LAD1: variants seen among roughly 807,000 people sequenced by gnomAD.
The protein encoded by LAD1 is ladinin 1.
A neutral mutation model predicts 54.2 loss-of-function variants in LAD1; 53 were observed. The observed-to-expected ratio is 0.98, with a 90% confidence interval of 0.78 to 1.23. The LOEUF is 1.23. Among genes scored for constraint, LAD1 ranks in the 50% most tolerant of loss-of-function variants. LAD1 has a pLI of 0.00. For missense variants in LAD1, 637 were observed against 653.3 expected (o/e 0.98, Z 0.27); for synonymous variants, 231 against 257.7 (o/e 0.90, Z 0.99).
chr1:201,390,370 CAA>C (rs34155846), intron 1 of LAD1, among the ~76,000 whole-genome samples: 9 of 112,206 alleles, frequency 8.0e-5, no homozygotes, highest in Admixed American at 9.5e-5. Context: ...ACTAAAAATA[CAA>C]AAAAAAAAAA....
chr1:201,396,276 G>T (rs1662289572), intron 1 of LAD1, among the ~76,000 whole-genome samples: 1 of 152,078 alleles, frequency 6.6e-6, no homozygotes, highest in African/African-American at 2.4e-5. Context: ...CCCTCTCGGT[G>T]TCTCCATGTA....
intron 8 of LAD1, 142 bp from the exon 9 acceptor site, chr1:201,382,468 G>T: frequency 1.3e-6 from 1 of 764,974 alleles, no homozygotes; most frequent in African/African-American, 1.7e-5. Flanking sequence ...CCTCCTCTCT[G>T]CCAGAGTCTG....
At chr1:201,397,742 A>G (rs1225540604) in intron 1 of LAD1, among the ~76,000 whole-genome samples, 1 of 151,996 alleles carries the variant, frequency 6.6e-6, no homozygotes, top group African/African-American at 2.4e-5. Flanking sequence ...TCAGCAACAT[A>G]AGAACCAGCT....
At position 201,389,175 on chromosome 1, in the gene LAD1, G is replaced by A; in HGVS notation, c.167C>T (p.Ala56Val). The A allele has an allele frequency of 6.2e-7, 1 of 1,614,138 alleles. No individual in the cohort carries two copies. Among genetic ancestry groups the A allele is most frequent in the Non-Finnish European group, 8.5e-7 (1 of 1,179,994 alleles). The change falls in exon 2 of 10, where the codon GCC becomes GTC. Residue 56 changes from alanine (A) to valine (V), a missense_variant. Physicochemically the swap from Ala to Val is moderately conservative, Grantham distance 64. Coordinates refer to ENST00000391967, the MANE Select transcript of LAD1 (RefSeq NM_005558.4). Reference sequence around the variant, plus strand: ...GAGCACCTACCTCTCAGAAGCAGAGGCCTGCCGGTCTCCATTCTGGCTGAG... The same window carrying A: ...GAGCACCTACCTCTCAGAAGCAGAGACCTGCCGGTCTCCATTCTGGCTGAG... ...PRLSQNGDRQ[A>V]SASERLPSVE...
intron 2 of LAD1, among the ~76,000 whole-genome samples, chr1:201,387,791 G>A (rs1179044751): frequency 6.6e-6 from 1 of 152,176 alleles, no homozygotes; most frequent in Admixed American, 6.5e-5. Context: ...CCTTCTTGGG[G>A]GACCCAAAGA....
intron 7 of LAD1, 91 bp downstream of exon 7, chr1:201,382,981 AAC>A: frequency 3.5e-6 from 5 of 1,438,028 alleles, no homozygotes; most frequent in Non-Finnish European, 4.7e-6. Context: ...GACACATGAA[AAC>A]AGTTTTCTAG....
At position 201,386,448 on chromosome 1, in the gene LAD1, T is replaced by C; in HGVS notation, c.913A>G (p.Thr305Ala). 1 of 1,543,244 alleles carries C rather than the reference T, an allele frequency of 6.5e-7. No homozygotes were observed. Among genetic ancestry groups the C allele is most frequent in the Middle Eastern group, 1.8e-4 (1 of 5,710 alleles). Residue 305 changes from threonine to alanine, a missense_variant, in exon 3 of 10, where the codon ACC becomes GCC. Transcript: ENST00000391967. The stretch of plus-strand genomic sequence containing the variant: ...AGGGCCCTTCCTCTCTGCTCCTTGG[T>C]GGTGGCTGGGCTTCCCCCAGAGGCT... ...PPASGGSPATTKEQRGRALPG... is the reference protein window; with the variant it reads ...PPASGGSPATAKEQRGRALPG...
At chr1:201,384,659 C>A in intron 5 of LAD1, 133 bp downstream of exon 5, 1 of 846,354 alleles carries the variant, frequency 1.2e-6, no homozygotes, top group Non-Finnish European at 2.0e-6. Context: ...AGATCTGGAG[C>A]CCTGGGCAAG....
intron 1 of LAD1, among the ~76,000 whole-genome samples, chr1:201,390,199 A>G (rs1662174498): frequency 6.6e-6 from 1 of 150,720 alleles, no homozygotes; most frequent in Non-Finnish European, 1.5e-5. Context: ...GATTACAGGC[A>G]TGAGCCACTG....
chr1:201,385,305 G>A (rs939086586), intron 4 of LAD1, among the ~76,000 whole-genome samples: 13 of 152,238 alleles, frequency 8.5e-5, no homozygotes, highest in Admixed American at 2.0e-4. Flanking sequence ...TATTGGGAGA[G>A]TGGCAGGGCA....
intron 5 of LAD1, 38 bp downstream of exon 5, chr1:201,384,754 G>A: frequency 1.2e-6 from 2 of 1,609,220 alleles, no homozygotes; most frequent in Non-Finnish European, 8.5e-7. Flanking sequence ...GCCTGAACAT[G>A]GCCAAATAGA....
intron 5 of LAD1, among the ~76,000 whole-genome samples, chr1:201,384,237 T>C (rs1366708456): frequency 1.3e-5 from 2 of 152,034 alleles, no homozygotes; most frequent in East Asian, 3.9e-4. Flanking sequence ...CCTAGTGTAG[T>C]AGGCTCCAGT....
intron 3 of LAD1, 27 bp downstream of exon 3, chr1:201,386,307 AG>A: frequency 1.1e-6 from 1 of 912,078 alleles, no homozygotes; most frequent in Non-Finnish European, 1.5e-6. Context: ...GCAGAGTAGA[AG>A]GGTGGGAGGG....
At position 201,382,305 on chromosome 1, in the gene LAD1, C is replaced by T. The variant is rs201995851; in HGVS notation, c.1495G>A (p.Ala499Thr). ...TGTCCCCACTGAGTCCTCTCGGTTG[C>T]AGATGATGCTTTCTGTGCCTCCTGA... ...DPQEAQKASS[A>T]TERTQWGQKS... is the part of the protein sequence containing the mutation. Residue 499 changes from alanine to threonine, a missense_variant, in exon 9 of 10, where the codon GCA becomes ACA. Coordinates refer to ENST00000391967, the MANE Select transcript of LAD1 (RefSeq NM_005558.4). 2.1e-4 allele frequency: 331 copies of T among 1,613,802 alleles called. No individual in the cohort carries two copies. The highest frequency in any genetic ancestry group is 3.3e-4 in the Admixed American group (20 of 60,010).
rs1256327313 is a variant in LAD1 at position 201,386,696 on chromosome 1, T to G, written c.665A>C (p.Glu222Ala). ...TSLSEKIAVS[E>A]KRNSSEKKSV... ...CTTCTTCTCTGAGCTGTTTCTTTTC[T>G]CTGACACTGCTATCTTCTCTGATAG... The change falls in exon 3 of 10, where the codon GAG becomes GCG. Residue 222 changes from glutamate to alanine, a missense_variant. Transcript: ENST00000391967. The G allele has an allele frequency of 1.2e-6, 2 of 1,614,262 alleles. No individual in the cohort carries two copies. The highest frequency in any genetic ancestry group is 1.7e-6 in the Non-Finnish European group (2 of 1,180,046).
chr1:201,395,932 C>G (rs1668052955), intron 1 of LAD1, among the ~76,000 whole-genome samples: 1 of 152,224 alleles, frequency 6.6e-6, no homozygotes, highest in Non-Finnish European at 1.5e-5. Context: ...TGGCCCTAAC[C>G]CAGAGGGAGC....
At position 201,386,385 on chromosome 1, in the gene LAD1, C is replaced by T; in HGVS notation, c.976G>A (p.Ala326Thr). 1 of 1,516,544 alleles carries T rather than the reference C, an allele frequency of 6.6e-7. No homozygotes were observed. The highest frequency in any genetic ancestry group is 2.3e-5 in the Admixed American group (1 of 43,414). 93.9% of individuals were successfully genotyped at this position (1,516,544 alleles called of 1,614,324 possible). A position where few individuals can be genotyped will look rare whatever the true frequency, so the allele number is the denominator to read the frequency against. ...GAGGCCACAGTCGGAGGGTCTGAAG[C>T]CCCCTGCTTTGCCAAAGAGGGCAGG... Reference protein sequence around the residue: ...KNLPSLAKQGASDPPTVASRL... With the variant: ...KNLPSLAKQGTSDPPTVASRL... The change falls in exon 3 of 10, where the codon GCT becomes ACT. Residue 326 changes from alanine (A) to threonine (T), a missense_variant. Transcript: ENST00000391967.
rs34370053 is a variant in LAD1, at chr1:201,386,770, G to A, written c.591C>T (p.Ser197=). Residue 197 remains serine (S), a synonymous_variant, in exon 3 of 10, where the codon TCC becomes TCT. Coordinates refer to ENST00000391967, the MANE Select transcript of LAD1 (RefSeq NM_005558.4). ...KKTAPEKSLV[S]DKTSISEKVL... is the part of the protein sequence containing the mutation. The stretch of plus-strand genomic sequence containing the variant: ...CCTTCTCAGAGATGGAGGTTTTATC[G>A]GAGACCAGGCTCTTTTCAGGTGCCG... The A allele has an allele frequency of 4.9e-3, 7,933 of 1,614,120 alleles. 316 individuals carry two copies. The African/African-American group carries it at 0.09, about 18-fold the overall frequency.
Position 201,386,975 on chromosome 1 carries a change from T to G in LAD1, c.386A>C (p.Gln129Pro). ...TTCCTTCTTGGAGACTAGGGGTTTC[T>G]GTGTGGCCTGCACAGGGCTCAAGCT... ...RNSLSPVQAT[Q>P]KPLVSKKELE... Residue 129 changes from glutamine (Q) to proline (P), a missense_variant, in exon 3 of 10, where the codon CAG becomes CCG. By Grantham distance (76) the Gln-to-Pro change is moderately conservative. Transcript: ENST00000391967. 1 of 1,609,290 alleles carries G rather than the reference T, an allele frequency of 6.2e-7. No individual in the cohort carries two copies. The highest frequency in any genetic ancestry group is 1.3e-5 in the African/African-American group (1 of 74,674).
Sources: allele counts gnomAD v4.1 joint callset (sites outside exome capture counted in the v4.1 genomes callset), GRCh38; gene constraint gnomAD v4.1.1; transcripts MANE v1.5; gene names NCBI Gene and HGNC (gene_info 2026-07-23, HGNC 2026-07-21).